Variants in SLC6A6 observed in about 807,000 individuals in gnomAD.
SLC6A6 encodes the protein solute carrier family 6 member 6, also known as sodium- and chloride-dependent taurine transporter.
In SLC6A6, 16 loss-of-function variants were observed where a neutral mutation model predicts 68.8. The ratio of observed to expected loss-of-function variants is 0.23; its 90% CI spans 0.16 to 0.35. The LOEUF (loss-of-function observed/expected upper bound fraction) is 0.35, where lower values mean the gene tolerates loss of function less well. Among genes scored for constraint, SLC6A6 ranks in the 10% least tolerant of loss-of-function variants. The pLI is 1.00. For synonymous variants in SLC6A6, 312 were observed against 315.4 expected (o/e 0.99, Z 0.12); for missense variants, 474 against 802.8 (o/e 0.59, Z 4.95).
chr3:14,421,909 T>C (rs1475127778), intron 2 of SLC6A6, among the ~76,000 whole-genome samples: 1 of 152,200 alleles, frequency 6.6e-6, no homozygotes, highest in Non-Finnish European at 1.5e-5. Context: ...GTGGGAAAGC[T>C]TGGGCCTCAG....
chr3:14,484,339 A>G (rs921360407), intron 14 of SLC6A6, among the ~76,000 whole-genome samples: 157 of 152,306 alleles, frequency 1.0e-3, no homozygotes, highest in African/African-American at 3.6e-3. Context: ...GGAGGACTGG[A>G]TGCCTTCAGG....
chr3:14,406,643 T>A (rs1699115993), intron 1 of SLC6A6, among the ~76,000 whole-genome samples: 1 of 152,186 alleles, frequency 6.6e-6, no homozygotes, highest in Admixed American at 6.5e-5. Flanking sequence ...GTTATGCCAG[T>A]CCTGGACAGG....
At chr3:14,480,827 A>G (rs1216514209) in intron 13 of SLC6A6, among the ~76,000 whole-genome samples, 1 of 152,172 alleles carries the variant, frequency 6.6e-6, no homozygotes. Context: ...TCTCACAGGG[A>G]AAGGTGGGCT....
intron 2 of SLC6A6, among the ~76,000 whole-genome samples, chr3:14,433,802 C>CAAA (rs67806643): frequency 2.6e-4 from 20 of 77,498 alleles, no homozygotes; most frequent in African/African-American, 5.4e-4. Flanking sequence ...GACTCTGTCT[C>CAAA]AAAAAAAAAA....
intron 6 of SLC6A6, 102 bp from the exon 7 acceptor site, chr3:14,466,414 C>G (rs1700621132): frequency 4.4e-6 from 6 of 1,359,084 alleles, no homozygotes; most frequent in Non-Finnish European, 6.0e-6. Context: ...TCCAGAACTC[C>G]TGATCCTGAC....
At chr3:14,467,267 C>G (rs1477794504) in intron 7 of SLC6A6, among the ~76,000 whole-genome samples, 1 of 152,172 alleles carries the variant, frequency 6.6e-6, no homozygotes, top group African/African-American at 2.4e-5. Flanking sequence ...GGACAGGACA[C>G]AGTTGTGAGA....
chr3:14,408,279 A>G (rs1214530668), intron 1 of SLC6A6, among the ~76,000 whole-genome samples: 2 of 152,200 alleles, frequency 1.3e-5, no homozygotes, highest in African/African-American at 4.8e-5. Flanking sequence ...CATTATAAAA[A>G]AGTACAATCT....
chr3:14,409,307 T>C (rs1443599446), intron 1 of SLC6A6, among the ~76,000 whole-genome samples: 1 of 152,106 alleles, frequency 6.6e-6, no homozygotes, highest in African/African-American at 2.4e-5. Flanking sequence ...GCTCAGTAAA[T>C]GAAATACCCC....
intron 10 of SLC6A6, among the ~76,000 whole-genome samples, chr3:14,474,122 G>A (rs190093717): frequency 3.9e-5 from 6 of 152,316 alleles, no homozygotes; most frequent in South Asian, 2.1e-4. Context: ...GGTAGAAATC[G>A]AACCTAAGTC....
chr3:14,453,255 C>T (rs1036641242), intron 5 of SLC6A6, among the ~76,000 whole-genome samples: 2 of 152,234 alleles, frequency 1.3e-5, no homozygotes, highest in South Asian at 2.1e-4. Flanking sequence ...TCAAAACAGA[C>T]GTCCAGGCAG....
Position 14,416,312 on chromosome 3 carries a change from G to A in SLC6A6, c.-53-100G>A, listed in dbSNP as rs961346182. On this transcript the variant is annotated intron_variant, in intron 1 of 14. Coordinates refer to ENST00000622186, the MANE Select transcript of SLC6A6 (RefSeq NM_003043.6). The stretch of plus-strand genomic sequence containing the variant: ...TGGTCAGCCCCTCCCCAGCACACAC[G>A]TCTGGTGGTTACAAGTGGGTGGACA... 6 of 397,798 alleles carry A rather than the reference G, an allele frequency of 1.5e-5. 1 individual carries two copies. Among genetic ancestry groups the A allele is most frequent in the East Asian group, 1.1e-4 (3 of 28,030 alleles). The allele number at this position is 397,798 out of a possible 1,614,324, so 24.6% of individuals were successfully genotyped here.
intron 2 of SLC6A6, 34 bp downstream of exon 2, chr3:14,416,487 G>A (rs1699365440): frequency 7.5e-6 from 3 of 398,694 alleles, no homozygotes; most frequent in East Asian, 3.6e-5. Flanking sequence ...TGGGATGGGT[G>A]TCTCACACGT....
intron 6 of SLC6A6, among the ~76,000 whole-genome samples, chr3:14,463,533 G>A (rs994593588): frequency 6.6e-6 from 1 of 152,242 alleles, no homozygotes; most frequent in South Asian, 2.1e-4. Flanking sequence ...AGACCCCTGC[G>A]GGGCTGCTGT....
chr3:14,418,693 A>G (rs1489826717), intron 2 of SLC6A6, among the ~76,000 whole-genome samples: 1 of 152,210 alleles, frequency 6.6e-6, no homozygotes, highest in Non-Finnish European at 1.5e-5. Flanking sequence ...AAAAAATATG[A>G]GAAATTCATT....
chr3:14,485,180 C>G lies in SLC6A6; in HGVS notation c.*173C>G. ...CGTGCGTGTGTGTGTGTGTGTGTAT[C>G]GTGTGTGTGTGTTTTGTTTTGATTT... On this transcript the variant is annotated 3_prime_UTR_variant, in exon 15 of 15. Coordinates refer to ENST00000622186, the MANE Select transcript of SLC6A6 (RefSeq NM_003043.6). 3.1e-6 allele frequency: 1 copy of G among 322,924 alleles called. No homozygotes were observed. The highest frequency in any genetic ancestry group is 5.0e-6 in the Non-Finnish European group (1 of 199,854). The allele number at this position is 322,924 out of a possible 1,614,324, so 20.0% of individuals were successfully genotyped here.
chr3:14,437,118 G>A (rs1307984746), intron 2 of SLC6A6, among the ~76,000 whole-genome samples: 3 of 152,208 alleles, frequency 2.0e-5, no homozygotes, highest in South Asian at 4.1e-4. Flanking sequence ...CAGGAAGGAT[G>A]GGAGCAGCAC....
rs914055291 is a variant in SLC6A6, at chr3:14,487,339, T to G, written c.*2332T>G. 1 of 152,818 alleles carries G rather than the reference T, an allele frequency of 6.5e-6. No individual in the cohort carries two copies. Among genetic ancestry groups the G allele is most frequent in the African/African-American group, 2.4e-5 (1 of 41,480 alleles). The allele number at this position is 152,818 out of a possible 1,614,324, so 9.5% of individuals were successfully genotyped here. On this transcript the variant is annotated 3_prime_UTR_variant, in exon 15 of 15. Transcript: ENST00000622186. ...GTTCCTCAACTCTCCCCAAGGCACC[T>G]GTCTCCAATCAGAGCCCTCTCGCCC...
Position 14,477,405 on chromosome 3 carries a change from T to C in SLC6A6, c.1347+63T>C, listed in dbSNP as rs1039669304. 3.2e-6 allele frequency: 5 copies of C among 1,542,828 alleles called. No individual in the cohort carries two copies. The highest frequency in any genetic ancestry group is 1.4e-5 in the African/African-American group (1 of 73,574). ...TCCAGTGCCCTCCTCAAGGCCATAG[T>C]GGAGGCAGCAGCTGGGTGAGAGGGC... On this transcript the variant is annotated intron_variant, in intron 11 of 14. Coordinates refer to ENST00000622186, the MANE Select transcript of SLC6A6 (RefSeq NM_003043.6). The surrounding 1 kb of genome is among the most constrained non-coding windows in gnomAD (Gnocchi z 4.2).
intron 2 of SLC6A6, among the ~76,000 whole-genome samples, chr3:14,434,921 A>T (rs1699816313): frequency 6.6e-6 from 1 of 152,210 alleles, no homozygotes; most frequent in Non-Finnish European, 1.5e-5. Flanking sequence ...GTTTGGACCC[A>T]GTCCCCAGAC....
Sources: allele counts gnomAD v4.1 joint callset (sites outside exome capture counted in the v4.1 genomes callset), GRCh38; gene constraint gnomAD v4.1.1; non-coding constraint Gnocchi (gnomAD v3.1); transcripts MANE v1.5; gene names NCBI Gene and HGNC (gene_info 2026-07-23, HGNC 2026-07-21).